CDH23: variants seen among roughly 807,000 people sequenced by gnomAD.
The protein encoded by CDH23 is cadherin related 23.
A neutral mutation model predicts 317.1 loss-of-function variants in CDH23; 189 were observed. That is an observed-to-expected ratio of 0.60 (90% CI 0.53 to 0.67). The LOEUF (loss-of-function observed/expected upper bound fraction) is 0.67. Among genes scored for constraint, CDH23 ranks in the 30% least tolerant of loss-of-function variants. The pLI is 0.00. For missense variants in CDH23, 4,401 were observed against 4,592.4 expected (o/e 0.96, Z 1.20); for synonymous variants, 1,839 against 1,876.8 (o/e 0.98, Z 0.52).
chr10:71,401,681 G>A (rs1171387718), intron 1 of CDH23, among the ~76,000 whole-genome samples: 1 of 152,102 alleles, frequency 6.6e-6, no homozygotes, highest in African/African-American at 2.4e-5. Context: ...TGGGGACTGG[G>A]GAGAACTGAA....
At chr10:71,640,006 G>A (rs186003116) in intron 11 of CDH23, among the ~76,000 whole-genome samples, 75 of 152,292 alleles carry the variant, frequency 4.9e-4, no homozygotes, top group Middle Eastern at 3.4e-3. Flanking sequence ...CCACTGCAGC[G>A]TCTGGCCTGC....
chr10:71,617,866 C>T (rs1448210265), intron 11 of CDH23, among the ~76,000 whole-genome samples: 1 of 151,930 alleles, frequency 6.6e-6, no homozygotes, highest in African/African-American at 2.4e-5. Flanking sequence ...GTGGCGGGCA[C>T]CTGTAATCCC....
At position 71,510,944 on chromosome 10, in the gene CDH23, T is replaced by G. The variant is rs1288980282; in HGVS notation, c.289-10T>G. On this transcript the variant is annotated splice_polypyrimidine_tract_variant and intron_variant, in intron 4 of 69. Transcript: ENST00000224721. ...TAACTGCCCCCCTCCCTCTCTCACT[T>G]TTCTTTCAGACCAAGTCAGAGTTCA... is the stretch of plus-strand genomic sequence containing the variant. The G allele has an allele frequency of 9.9e-6, 16 of 1,613,738 alleles. No homozygotes were observed. The highest frequency in any genetic ancestry group is 1.3e-5 in the Non-Finnish European group (15 of 1,179,844).
intron 34 of CDH23, among the ~76,000 whole-genome samples, chr10:71,735,946 A>G (rs568289097): frequency 6.6e-6 from 1 of 152,342 alleles, no homozygotes; most frequent in Non-Finnish European, 1.5e-5. Flanking sequence ...GCAGACACTC[A>G]GGGGTAAAGT....
intron 38 of CDH23, among the ~76,000 whole-genome samples, chr10:71,761,142 C>T (rs572586662): frequency 6.6e-6 from 1 of 152,148 alleles, no homozygotes; most frequent in South Asian, 2.1e-4. Context: ...CATGTGAATA[C>T]CCGCTGGTGC....
intron 6 of CDH23, among the ~76,000 whole-genome samples, chr10:71,558,074 T>C (rs1371127197): frequency 7.8e-6 from 1 of 128,054 alleles, no homozygotes; most frequent in Non-Finnish European, 1.6e-5. Flanking sequence ...CTTGGCTCAC[T>C]GCAACATCTC....
chr10:71,523,919 C>G (rs1854860210), intron 6 of CDH23, among the ~76,000 whole-genome samples: 1 of 152,240 alleles, frequency 6.6e-6, no homozygotes, highest in Non-Finnish European at 1.5e-5. Context: ...CCTCCACCTT[C>G]TTTGTGGTCC....
At chr10:71,407,267 C>G (rs1848135547) in intron 1 of CDH23, among the ~76,000 whole-genome samples, 1 of 152,198 alleles carries the variant, frequency 6.6e-6, no homozygotes, top group African/African-American at 2.4e-5. Context: ...AATGACAGAG[C>G]TGGGGCTGGG....
intron 60 of CDH23, among the ~76,000 whole-genome samples, chr10:71,808,791 C>T: frequency 6.6e-6 from 1 of 152,166 alleles, no homozygotes; most frequent in East Asian, 1.9e-4. Context: ...GGGCCCTGTG[C>T]CCAGCCTAGC....
rs2132978306 is a variant in CDH23 at position 71,803,238 on chromosome 10, T to C, written c.7690T>C (p.Leu2564=). ...CTTCCATGTGGACATGGACTCGGGC[T>C]TGGTGACCACACAGCGGCCACTGCA... ...EAFHVDMDSG[L]VTTQRPLQSY... Residue 2564 remains leucine, a synonymous_variant, in exon 55 of 70, where the codon TTG becomes CTG. Coordinates refer to ENST00000224721, the MANE Select transcript of CDH23 (RefSeq NM_022124.6). The C allele has an allele frequency of 6.2e-7, 1 of 1,602,916 alleles. No homozygotes were observed. The highest frequency in any genetic ancestry group is 1.7e-5 in the Admixed American group (1 of 58,462).
intron 55 of CDH23, among the ~76,000 whole-genome samples, chr10:71,803,807 T>C (rs1413605279): frequency 2.4e-5 from 1 of 41,164 alleles, no homozygotes; most frequent in African/African-American, 1.1e-4. Flanking sequence ...CGATCTCTAC[T>C]AAAAATGCAA....
At chr10:71,463,033 C>T (rs901914876) in intron 3 of CDH23, among the ~76,000 whole-genome samples, 4 of 152,210 alleles carry the variant, frequency 2.6e-5, no homozygotes, top group African/African-American at 4.8e-5. Context: ...AAATGAAAAT[C>T]GCTTCATTGA....
intron 1 of CDH23, among the ~76,000 whole-genome samples, chr10:71,406,967 G>A (rs938036449): frequency 2.0e-5 from 3 of 152,234 alleles, no homozygotes; most frequent in African/African-American, 7.2e-5. Flanking sequence ...CCTGAGCTTA[G>A]CACTTCATCT....
intron 48 of CDH23, 30 bp from the exon 49 acceptor site, chr10:71,797,074 A>T: frequency 6.7e-7 from 1 of 1,492,600 alleles, no homozygotes; most frequent in Non-Finnish European, 9.3e-7. Flanking sequence ...GGTTCTTCTC[A>T]GGCTGAACCT....
intron 3 of CDH23, among the ~76,000 whole-genome samples, chr10:71,457,007 G>A (rs148805946): frequency 6.6e-6 from 1 of 152,184 alleles, no homozygotes; most frequent in Non-Finnish European, 1.5e-5. Flanking sequence ...AATGGTAAAT[G>A]ACCACCTCAC....
chr10:71,605,175 G>A (rs1233352883), intron 9 of CDH23, among the ~76,000 whole-genome samples: 1 of 151,776 alleles, frequency 6.6e-6, no homozygotes, highest in East Asian at 1.9e-4. Flanking sequence ...TCACAGTGTT[G>A]TACAACTGTC....
At chr10:71,426,576 G>A (rs150379259) in intron 1 of CDH23, among the ~76,000 whole-genome samples, 68 of 152,264 alleles carry the variant, frequency 4.5e-4, no homozygotes, top group Middle Eastern at 3.4e-3. Flanking sequence ...AGGCAAGTGG[G>A]GGCTGCGAGG....
chr10:71,655,162 C>T (rs140920074), intron 14 of CDH23, among the ~76,000 whole-genome samples: 5 of 152,214 alleles, frequency 3.3e-5, no homozygotes, highest in Admixed American at 2.6e-4. Context: ...CAGCCTGGGA[C>T]GAGCTCTCCG....
chr10:71,642,362 A>G (rs893249790), intron 11 of CDH23, among the ~76,000 whole-genome samples: 2 of 149,398 alleles, frequency 1.3e-5, no homozygotes, highest in African/African-American at 4.9e-5. Context: ...GGTTGTGGGA[A>G]GGTGCATTGG....
Sources: gnomAD v4.1 joint callset for allele counts (sites outside exome capture counted in the v4.1 genomes callset) on GRCh38, gnomAD v4.1.1 for gene constraint, MANE v1.5 for transcripts, NCBI Gene and HGNC (gene_info 2026-07-23, HGNC 2026-07-21) for gene names.